CASP10: variants seen among roughly 807,000 people sequenced by gnomAD.
The protein encoded by CASP10 is caspase-10.
Under a neutral mutation model 48.5 loss-of-function variants are expected in CASP10, and 41 were observed. The ratio of observed to expected loss-of-function variants is 0.85; its 90% CI spans 0.66 to 1.10. The LOEUF (loss-of-function observed/expected upper bound fraction) is 1.10. CASP10 is among the 50% of genes least tolerant of loss of function. The pLI, the probability that CASP10 is intolerant of heterozygous loss-of-function variation, is 0.00. For synonymous variants in CASP10, 232 were observed against 238.4 expected, an observed-to-expected ratio of 0.97 and a Z score of 0.25; for missense variants, 614 against 614.5, an observed-to-expected ratio of 1.00 and a Z score of 0.01.
In CASP10 at chr2:201,193,039, A is replaced by ATC. The variant is rs1944664548; in HGVS notation, c.499_500dup (p.Thr168Ter). On this transcript the variant is annotated frameshift_variant, in exon 4 of 10. Coordinates refer to ENST00000286186, the MANE Select transcript of CASP10 (RefSeq NM_032977.4). LOFTEE classifies it high-confidence loss of function. ...AAACAAGGTAAAATAGATGAAGATAATCTGACATGCCTGGAGGACCTCTGC... is the reference window on the plus strand; with the variant it reads ...AAACAAGGTAAAATAGATGAAGATAATCTCTGACATGCCTGGAGGACCTCTGC... 4 of 1,613,794 alleles carry ATC rather than the reference A, an allele frequency of 2.5e-6. No homozygotes were observed. The highest frequency in any genetic ancestry group is 3.4e-6 in the Non-Finnish European group (4 of 1,179,700).
At chr2:201,205,841 C>G (rs867432179) in intron 6 of CASP10, 41 bp from the exon 7 acceptor site, 2 of 1,174,164 alleles carry the variant, frequency 1.7e-6, no homozygotes, top group African/African-American at 1.5e-5. Flanking sequence ...AATCTAAGTG[C>G]TTGGGGAAGA....
chr2:201,188,840 T>C (rs1944504592), intron 3 of CASP10, among the ~76,000 whole-genome samples: 1 of 152,072 alleles, frequency 6.6e-6, no homozygotes, highest in South Asian at 2.1e-4. Context: ...ATATATTGAA[T>C]TTTGAGGGGT....
At chr2:201,215,613 G>T (rs1215346925) in intron 9 of CASP10, among the ~76,000 whole-genome samples, 1 of 152,096 alleles carries the variant, frequency 6.6e-6, no homozygotes, top group African/African-American at 2.4e-5. Flanking sequence ...ATTGATCTAT[G>T]TGTCTGTTTT....
rs1945254468 is a variant in CASP10, at chr2:201,207,745, A to ATC, written c.814-330_814-329insTC. Reference sequence around the variant, plus strand: ...GCACTCCAGCCTGGGTGACAGAGCGAGATGCTGTCTCAAAAAAAAAAAAAA... The same window carrying ATC: ...GCACTCCAGCCTGGGTGACAGAGCGATCGATGCTGTCTCAAAAAAAAAAAAAA... On this transcript the variant is annotated intron_variant, in intron 7 of 9. Coordinates refer to ENST00000286186, the MANE Select transcript of CASP10 (RefSeq NM_032977.4). Among the ~76,000 whole-genome samples the ATC allele has an allele frequency of 2.7e-5, 4 of 150,568 alleles. No individual in the cohort carries two copies. The South Asian group carries it at 8.4e-4, about 32-fold the overall frequency.
intron 8 of CASP10, chr2:201,208,406 G>A: frequency 1.0e-6 from 1 of 984,286 alleles, no homozygotes; most frequent in Non-Finnish European, 1.2e-6. Context: ...TGTACTGGGG[G>A]AGAGCCTGCT....
chr2:201,218,242 A>C lies in CASP10; in HGVS notation c.*501A>C. On this transcript the variant is annotated 3_prime_UTR_variant, in exon 10 of 10. Coordinates refer to ENST00000286186, the MANE Select transcript of CASP10 (RefSeq NM_032977.4). ...GGCCAGAAAACTTTCATTATTGAAG[A>C]CTTGGATTGTAGCCTTGGTTTTGGA... 3.0e-6 allele frequency: 3 copies of C among 1,014,280 alleles called. No individual in the cohort carries two copies. The highest frequency in any genetic ancestry group is 3.5e-6 in the Non-Finnish European group (3 of 847,306). 62.8% of individuals were successfully genotyped at this position (1,014,280 alleles called of 1,614,324 possible).
chr2:201,196,017 C>T lies in CASP10; in HGVS notation c.684+69C>T, dbSNP rs1196387617. On this transcript the variant is annotated intron_variant, in intron 5 of 9. Coordinates refer to ENST00000286186, the MANE Select transcript of CASP10 (RefSeq NM_032977.4). ...ACCCTCCAACCTCCCCTCCCTGCCA[C>T]CCCAAAAAAGAAAAAGAGAGAGAGG... is the stretch of plus-strand genomic sequence containing the variant. 3 of 1,053,634 alleles carry T rather than the reference C, an allele frequency of 2.8e-6. No homozygotes were observed. In the African/African-American group the frequency reaches 4.8e-5, roughly 17 times the overall value. The allele number at this position is 1,053,634 out of a possible 1,614,324, so 65.3% of individuals were successfully genotyped here.
At chr2:201,228,660 C>T (rs1945820047) in intron 9 of CASP10, among the ~76,000 whole-genome samples, 1 of 152,198 alleles carries the variant, frequency 6.6e-6, no homozygotes, top group African/African-American at 2.4e-5. Flanking sequence ...CATGGCCTCT[C>T]CACTTGAGTT....
At chr2:201,187,155 G>A (rs1944442997) in intron 2 of CASP10, among the ~76,000 whole-genome samples, 1 of 152,212 alleles carries the variant, frequency 6.6e-6, no homozygotes, top group South Asian at 2.1e-4. Flanking sequence ...TGGAAGGAAT[G>A]ATGAATTCCA....
chr2:201,184,498 A>AT (rs1272585150), intron 1 of CASP10, among the ~76,000 whole-genome samples: 1 of 151,794 alleles, frequency 6.6e-6, no homozygotes, highest in Non-Finnish European at 1.5e-5. Flanking sequence ...TAATTTTTGT[A>AT]TTTTTTGTAG....
At position 201,186,134 on chromosome 2, in the gene CASP10, G is replaced by T. The variant is rs377184631; in HGVS notation, c.347+10G>T. 305 of 1,596,480 alleles carry T rather than the reference G, an allele frequency of 1.9e-4. 1 individual carries two copies. In the Middle Eastern group the frequency reaches 2.7e-3, roughly 14 times the overall value. ...GGGTTTCTCTGTTTAGGTGAGGACG[G>T]GTCTGTGGTGGAGATGGGAGGATCT... On this transcript the variant is annotated intron_variant, in intron 2 of 9. Transcript: ENST00000286186.
chr2:201,193,414 G>C (rs1002152208), intron 4 of CASP10: 33 of 353,414 alleles, frequency 9.3e-5, no homozygotes, highest in African/African-American at 7.1e-4. Context: ...CACTATGTTG[G>C]CCAGGCTGGT....
At chr2:201,206,762 G>A (rs1304692133) in intron 7 of CASP10, among the ~76,000 whole-genome samples, 4 of 151,570 alleles carry the variant, frequency 2.6e-5, no homozygotes, top group Non-Finnish European at 5.9e-5. Flanking sequence ...TTTATATTCA[G>A]AAATAAAATT....
At position 201,209,363 on chromosome 2, in the gene CASP10, A is replaced by T. The variant is rs80358239; in HGVS notation, c.1216A>T (p.Ile406Leu). 6,932 of 1,614,130 alleles carry T rather than the reference A, an allele frequency of 4.3e-3. 40 individuals are homozygous for T. Among genetic ancestry groups the T allele is most frequent in the South Asian group, 0.015 (1,357 of 91,066 alleles). Residue 406 changes from isoleucine (I) to leucine (L), a missense_variant, in exon 9 of 10, where the codon ATA (isoleucine) becomes TTA (leucine). Coordinates refer to ENST00000286186, the MANE Select transcript of CASP10 (RefSeq NM_032977.4). Reference sequence around the variant, plus strand: ...CATCCAGGCCTGCCAAGGTGAAGAGATACAGCCTTCCGTATCCATCGAAGC... The same window carrying T: ...CATCCAGGCCTGCCAAGGTGAAGAGTTACAGCCTTCCGTATCCATCGAAGC... ...FFIQACQGEE[I>L]QPSVSIEADA... is the part of the protein sequence containing the mutation.
Position 201,220,641 on chromosome 2 carries a change from C to G in CASP10, c.*2900C>G. On this transcript the variant is annotated 3_prime_UTR_variant, in exon 10 of 10. Coordinates refer to ENST00000286186, the MANE Select transcript of CASP10 (RefSeq NM_032977.4). ...TAAGTGAGTGGGCTCTGACCTAACT[C>G]GGCCAGAAGCCCCTTTCAAATTTGT... The G allele has an allele frequency of 1.7e-6, 1 of 589,784 alleles. No homozygotes were observed. Among genetic ancestry groups the G allele is most frequent in the Non-Finnish European group, 2.1e-6 (1 of 468,690 alleles). The allele number at this position is 589,784 out of a possible 1,614,324, so 36.5% of individuals were successfully genotyped here.
chr2:201,193,102 A>G lies in CASP10; in HGVS notation c.560A>G (p.Lys187Arg), dbSNP rs1944667529. The change falls in exon 4 of 10, where the codon AAA becomes AGA. Residue 187 changes from lysine (K) to arginine (R), a missense_variant. Coordinates refer to ENST00000286186, the MANE Select transcript of CASP10 (RefSeq NM_032977.4). ...CCTAAACTTTTGAGAAACATAGAGA[A>G]ATACAAAAGAGAGAAAGGTAAGTAG... ...VVPKLLRNIEKYKREKAIQIV... is the reference protein window; with the variant it reads ...VVPKLLRNIERYKREKAIQIV... The G allele has an allele frequency of 6.2e-7, 1 of 1,613,716 alleles. No homozygotes were observed. Among genetic ancestry groups the G allele is most frequent in the South Asian group, 1.1e-5 (1 of 91,076 alleles).
intron 9 of CASP10, among the ~76,000 whole-genome samples, chr2:201,216,927 C>A (rs1423524389): frequency 1.3e-5 from 2 of 152,208 alleles, no homozygotes; most frequent in Non-Finnish European, 2.9e-5. Flanking sequence ...TCAAATGCTA[C>A]CATCTGCATG....
At chr2:201,227,605 G>A (rs1461113976) in intron 9 of CASP10, among the ~76,000 whole-genome samples, 1 of 152,084 alleles carries the variant, frequency 6.6e-6, no homozygotes, top group Non-Finnish European at 1.5e-5. Context: ...TGCCCAGGCT[G>A]GAGTGCAGTG....
intron 9 of CASP10, among the ~76,000 whole-genome samples, chr2:201,211,722 T>G (rs1259376142): frequency 6.6e-6 from 1 of 152,212 alleles, no homozygotes; most frequent in Non-Finnish European, 1.5e-5. Context: ...GCATTTTCTT[T>G]GTTTATATAC....
Sources: allele counts gnomAD v4.1 joint callset (sites outside exome capture counted in the v4.1 genomes callset), GRCh38; gene constraint gnomAD v4.1.1; transcripts MANE v1.5; gene names NCBI Gene and HGNC (gene_info 2026-07-23, HGNC 2026-07-21).